KLHDC1: variants seen among roughly 807,000 people sequenced by gnomAD.
KLHDC1 encodes kelch domain containing 1, also known as kelch domain-containing protein 1.
A neutral mutation model predicts 68.3 loss-of-function variants in KLHDC1; 53 were observed. That is an observed-to-expected ratio of 0.78 (90% CI 0.62 to 0.98). The LOEUF (loss-of-function observed/expected upper bound fraction) is 0.98. KLHDC1 is among the 50% of genes least tolerant of loss of function. KLHDC1 has a pLI of 0.00. For missense variants in KLHDC1, 470 were observed against 492.3 expected (o/e 0.95, Z 0.43); for synonymous variants, 148 against 159.0 (o/e 0.93, Z 0.52).
rs1233369383 is a variant in KLHDC1 at position 49,704,008 on chromosome 14, C to A, written c.97-5151C>A. Reference sequence around the variant, plus strand: ...GTTGGATCACTTGATATGCACATCTCCAAAATTATTTGGAAATGTCAGACT... The same window carrying A: ...GTTGGATCACTTGATATGCACATCTACAAAATTATTTGGAAATGTCAGACT... On this transcript the variant is annotated intron_variant, in intron 1 of 12. Transcript: ENST00000359332. Among the ~76,000 whole-genome samples, 6 of 152,314 alleles carry A rather than the reference C, an allele frequency of 3.9e-5. No individual in the cohort carries two copies. The East Asian group carries it at 1.2e-3, about 29-fold the overall frequency.
chr14:49,739,185 C>G (rs2139764545), intron 10 of KLHDC1, among the ~76,000 whole-genome samples: 1 of 152,240 alleles, frequency 6.6e-6, no homozygotes, highest in South Asian at 2.1e-4. Context: ...TGGCTTATTA[C>G]TCTAAGCATA....
chr14:49,732,196 G>A (rs1351345827), intron 8 of KLHDC1, among the ~76,000 whole-genome samples: 2 of 151,344 alleles, frequency 1.3e-5, no homozygotes, highest in African/African-American at 4.9e-5. Context: ...TCTTGGAGAA[G>A]CAGTCTCTCT....
At chr14:49,709,888 CACAAGTT>C (rs1243677932) in intron 3 of KLHDC1, 62 bp downstream of exon 3, 3 of 765,736 alleles carry the variant, frequency 3.9e-6, no homozygotes, top group Non-Finnish European at 6.3e-6. Flanking sequence ...CATTTCATCT[CACAAGTT>C]ACAAATATTT....
intron 1 of KLHDC1, among the ~76,000 whole-genome samples, chr14:49,703,915 A>C (rs1887975041): frequency 6.7e-6 from 1 of 148,414 alleles, no homozygotes; most frequent in African/African-American, 2.4e-5. Flanking sequence ...GCATTCTTAT[A>C]ACATGCTTCC....
chr14:49,729,056 A>T, intron 7 of KLHDC1, 47 bp downstream of exon 7: 1 of 1,242,666 alleles, frequency 8.0e-7, no homozygotes, highest in Non-Finnish European at 1.2e-6. Context: ...AATGCTCCTT[A>T]TAAAAATTTA....
chr14:49,722,835 C>G (rs1056883151), intron 4 of KLHDC1, among the ~76,000 whole-genome samples: 17 of 152,198 alleles, frequency 1.1e-4, no homozygotes, highest in African/African-American at 4.1e-4. Flanking sequence ...GCCTGTAATC[C>G]CAGCACTTTG....
At chr14:49,749,232 C>A (rs1889267663) in intron 12 of KLHDC1, among the ~76,000 whole-genome samples, 1 of 151,372 alleles carries the variant, frequency 6.6e-6, no homozygotes, top group Non-Finnish European at 1.5e-5. Context: ...TCAGCAAGAG[C>A]AGTACACATA....
chr14:49,746,415 G>A (rs1889200824), intron 12 of KLHDC1, among the ~76,000 whole-genome samples: 1 of 152,090 alleles, frequency 6.6e-6, no homozygotes, highest in African/African-American at 2.4e-5. Flanking sequence ...GGGGGAGGGA[G>A]AAGAAAAGGA....
intron 12 of KLHDC1, 71 bp from the exon 13 acceptor site, chr14:49,751,515 T>C: frequency 2.8e-6 from 2 of 726,222 alleles, no homozygotes; most frequent in Non-Finnish European, 4.0e-6. Context: ...AAGAAAGAAT[T>C]CTTAACTATA....
chr14:49,716,709 G>A (rs1190935708), intron 4 of KLHDC1, among the ~76,000 whole-genome samples: 4 of 152,018 alleles, frequency 2.6e-5, no homozygotes. Flanking sequence ...AAAGGTTGTG[G>A]TAAATACATA....
chr14:49,724,484 C>T (rs2139752981), intron 5 of KLHDC1, among the ~76,000 whole-genome samples: 1 of 151,778 alleles, frequency 6.6e-6, no homozygotes, highest in Non-Finnish European at 1.5e-5. Context: ...CACCAAGATG[C>T]AGTCTTATTA....
chr14:49,732,951 A>G (rs1226767231), intron 9 of KLHDC1, 135 bp downstream of exon 9: 1 of 594,704 alleles, frequency 1.7e-6, no homozygotes, highest in Admixed American at 3.0e-5. Flanking sequence ...ATTTTCTTGC[A>G]TGAATTATGA....
At chr14:49,701,458 G>A (rs1033299950) in intron 1 of KLHDC1, among the ~76,000 whole-genome samples, 4 of 152,028 alleles carry the variant, frequency 2.6e-5, no homozygotes, top group South Asian at 2.1e-4. Flanking sequence ...TTGGGAGTTC[G>A]AGACAAGCCT....
chr14:49,695,116 ATGTGTGTGTGTGTGTGTGTG>A (rs71115393), intron 1 of KLHDC1, among the ~76,000 whole-genome samples: 2 of 142,094 alleles, frequency 1.4e-5, no homozygotes, highest in African/African-American at 5.3e-5. Flanking sequence ...TGCAGTTTTG[ATGTGTGTGTGTGTGTGTGTG>A]TGTGTGTGTG....
chr14:49,742,031 A>T (rs1234586693), intron 11 of KLHDC1, among the ~76,000 whole-genome samples: 1 of 152,226 alleles, frequency 6.6e-6, no homozygotes, highest in Non-Finnish European at 1.5e-5. Context: ...TTTTGTAGTT[A>T]TGAAGCCCCT....
chr14:49,745,122 G>T (rs1889169989), intron 12 of KLHDC1, among the ~76,000 whole-genome samples: 1 of 152,190 alleles, frequency 6.6e-6, no homozygotes, highest in South Asian at 2.1e-4. Context: ...ATATGAGAAA[G>T]AGAGAGATAA....
At chr14:49,709,269 C>A in intron 2 of KLHDC1, 40 bp downstream of exon 2, 1 of 850,846 alleles carries the variant, frequency 1.2e-6, no homozygotes, top group Non-Finnish European at 1.9e-6. Context: ...ATCTTAATAT[C>A]TATTATAAAT....
chr14:49,706,895 A>G (rs1888064363), intron 1 of KLHDC1, among the ~76,000 whole-genome samples: 2 of 152,146 alleles, frequency 1.3e-5, no homozygotes, highest in Admixed American at 1.3e-4. Flanking sequence ...CCCTTGTCAC[A>G]TGGGGAGTTT....
At position 49,713,818 on chromosome 14, in the gene KLHDC1, A is replaced by ATG. The variant is rs1392609888; in HGVS notation, c.404+3438_404+3439insGT. 5.4e-3 allele frequency among the ~76,000 whole-genome samples: 10 copies of ATG among 1,856 alleles called. 1 individual carries two copies. In the East Asian group the frequency reaches 0.19, roughly 35 times the overall value. 1.2% of individuals were successfully genotyped at this position (1,856 alleles called of 152,430 possible). A position where few individuals can be genotyped will look rare whatever the true frequency, so the allele number is the denominator to read the frequency against. On this transcript the variant is annotated intron_variant, in intron 4 of 12. Transcript: ENST00000359332. ...AGGAGGTATATATATATATATATAT[A>ATG]TATATATATATATATATATATATAT...
Sources: gnomAD v4.1 joint callset for allele counts (sites outside exome capture counted in the v4.1 genomes callset) on GRCh38, gnomAD v4.1.1 for gene constraint, MANE v1.5 for transcripts, NCBI Gene and HGNC (gene_info 2026-07-23, HGNC 2026-07-21) for gene names.